Variants in ADSS2 observed in about 807,000 individuals in gnomAD.
The protein encoded by ADSS2 is adenylosuccinate synthetase isozyme 2.
ADSS2 carries 30 observed loss-of-function variants against 60.0 expected under a neutral mutation model. The ratio of observed to expected loss-of-function variants is 0.50; its 90% CI spans 0.37 to 0.68. The LOEUF (loss-of-function observed/expected upper bound fraction) is 0.68. ADSS2 is among the 30% of genes least tolerant of loss of function. ADSS2 has a pLI of 0.00. For synonymous variants in ADSS2, 187 were observed against 193.1 expected (o/e 0.97, Z 0.26); for missense variants, 373 against 554.8 (o/e 0.67, Z 3.29).
chr1:244,447,322 AAC>A (rs1665419878), intron 1 of ADSS2, among the ~76,000 whole-genome samples: 1 of 152,174 alleles, frequency 6.6e-6, no homozygotes, highest in Non-Finnish European at 1.5e-5. Context: ...TGCTCTAGGC[AAC>A]AGTTTTTCTT....
At chr1:244,436,649 T>A (rs1665108814) in intron 3 of ADSS2, among the ~76,000 whole-genome samples, 176 bp downstream of exon 3, 1 of 152,244 alleles carries the variant, frequency 6.6e-6, no homozygotes, top group Non-Finnish European at 1.5e-5. Flanking sequence ...AAGATGTTGG[T>A]CTTCTGTTTA....
chr1:244,437,750 GGCCA>G lies in ADSS2; in HGVS notation c.198_201del (p.Gly67IlefsTer19), dbSNP rs1359162078. ...TCCACAGAATCCACAACAACTGTATGGCCAGCATTATTTCCTCCCTAAAATGTAA... is the reference window on the plus strand; with the variant it reads ...TCCACAGAATCCACAACAACTGTATGGCATTATTTCCTCCCTAAAATGTAA... On this transcript the variant is annotated frameshift_variant, in exon 2 of 13. Coordinates refer to ENST00000366535, the MANE Select transcript of ADSS2 (RefSeq NM_001126.5). LOFTEE classifies it high-confidence loss of function. 6.2e-7 allele frequency: 1 copy of G among 1,605,444 alleles called. No homozygotes were observed. Among genetic ancestry groups the G allele is most frequent in the Non-Finnish European group, 8.5e-7 (1 of 1,172,422 alleles).
At chr1:244,444,126 G>A (rs1271985460) in intron 1 of ADSS2, among the ~76,000 whole-genome samples, 1 of 152,040 alleles carries the variant, frequency 6.6e-6, no homozygotes, top group East Asian at 1.9e-4. Flanking sequence ...TTATTAAAGT[G>A]AACAATATAT....
At chr1:244,444,290 C>T (rs913555167) in intron 1 of ADSS2, among the ~76,000 whole-genome samples, 162 of 151,174 alleles carry the variant, frequency 1.1e-3, no homozygotes, top group Non-Finnish European at 1.2e-3. Flanking sequence ...CCGAGGCGGG[C>T]GGATCACGAG....
rs1665081760 is a variant in ADSS2 at position 244,435,673 on chromosome 1, CT to C, written c.355+1151del. On this transcript the variant is annotated intron_variant, in intron 3 of 12. Transcript: ENST00000366535. ...TTCCTCCTCCATCCTCCTCTTCCTC[CT>C]CCATCTGTGGTTGTTTACCAACACC... Among the ~76,000 whole-genome samples, 3 of 151,786 alleles carry C rather than the reference CT, an allele frequency of 2.0e-5. No homozygotes were observed. In the South Asian group the frequency reaches 6.3e-4, roughly 32 times the overall value.
chr1:244,419,087 G>T, intron 8 of ADSS2, 173 bp from the exon 9 acceptor site: 1 of 646,870 alleles, frequency 1.5e-6, no homozygotes, highest in Non-Finnish European at 2.5e-6. Flanking sequence ...TAGCTGTAAT[G>T]ACATAAAAAC....
chr1:244,435,194 A>AAACAAAC (rs1665063954), intron 3 of ADSS2, among the ~76,000 whole-genome samples: 1 of 127,852 alleles, frequency 7.8e-6, no homozygotes, highest in African/African-American at 3.2e-5. Context: ...AAAAAAAAAA[A>AAACAAAC]AAACAAACCT....
intron 1 of ADSS2, among the ~76,000 whole-genome samples, chr1:244,449,770 C>A (rs1180630584): frequency 1.3e-5 from 2 of 152,116 alleles, no homozygotes; most frequent in Non-Finnish European, 2.9e-5. Context: ...CCCAACAAGG[C>A]CCCTCATTTG....
At chr1:244,448,199 G>A (rs934361874) in intron 1 of ADSS2, among the ~76,000 whole-genome samples, 5 of 152,032 alleles carry the variant, frequency 3.3e-5, no homozygotes, top group African/African-American at 1.2e-4. Flanking sequence ...ACAAGGTCAA[G>A]GCATTAAATA....
At chr1:244,436,127 C>G (rs1010344394) in intron 3 of ADSS2, among the ~76,000 whole-genome samples, 1 of 152,086 alleles carries the variant, frequency 6.6e-6, no homozygotes, top group African/African-American at 2.4e-5. Flanking sequence ...TGCATGAGGT[C>G]GGGTATGGAA....
At chr1:244,426,268 G>A (rs762612998) in intron 4 of ADSS2, among the ~76,000 whole-genome samples, 15 of 152,098 alleles carry the variant, frequency 9.9e-5, no homozygotes, top group Admixed American at 4.6e-4. Context: ...TGTTTTCTAT[G>A]CTCAAAGAAA....
intron 1 of ADSS2, among the ~76,000 whole-genome samples, chr1:244,444,294 T>C (rs796872265): frequency 3.3e-5 from 5 of 151,356 alleles, no homozygotes; most frequent in African/African-American, 1.2e-4. Context: ...GGCGGGCGGA[T>C]CACGAGGTCA....
chr1:244,414,963 T>C (rs1664495133), intron 11 of ADSS2, among the ~76,000 whole-genome samples: 1 of 152,242 alleles, frequency 6.6e-6, no homozygotes, highest in Non-Finnish European at 1.5e-5. Flanking sequence ...CTTTCATAAG[T>C]GCTACTGCTG....
chr1:244,444,477 T>C (rs1467138345), intron 1 of ADSS2, among the ~76,000 whole-genome samples: 1 of 115,552 alleles, frequency 8.7e-6, no homozygotes, highest in African/African-American at 3.4e-5. Flanking sequence ...ATCCCGCCAC[T>C]GCACTCCAGC....
chr1:244,433,711 A>C (rs1241330328), intron 3 of ADSS2, among the ~76,000 whole-genome samples: 5 of 152,026 alleles, frequency 3.3e-5, no homozygotes, highest in Non-Finnish European at 5.9e-5. Flanking sequence ...TACAAAAATT[A>C]GCTGGGTACG....
At chr1:244,430,820 G>C (rs1006161976) in intron 4 of ADSS2, among the ~76,000 whole-genome samples, 15 of 152,192 alleles carry the variant, frequency 9.9e-5, no homozygotes, top group African/African-American at 3.6e-4. Context: ...GAGACTGCCA[G>C]TAAGAAAGAA....
At chr1:244,427,848 A>G (rs770600071) in intron 4 of ADSS2, among the ~76,000 whole-genome samples, 1 of 152,204 alleles carries the variant, frequency 6.6e-6, no homozygotes, top group Non-Finnish European at 1.5e-5. Flanking sequence ...GTACCAGGGA[A>G]ACCTGTTGAT....
At chr1:244,410,187 G>A (rs1664379589) in intron 12 of ADSS2, among the ~76,000 whole-genome samples, 1 of 152,118 alleles carries the variant, frequency 6.6e-6, no homozygotes, top group Non-Finnish European at 1.5e-5. Flanking sequence ...AGAAAATGCT[G>A]ACCAAGAGCA....
At chr1:244,421,893 G>A (rs1226124922) in intron 7 of ADSS2, among the ~76,000 whole-genome samples, 2 of 152,158 alleles carry the variant, frequency 1.3e-5, no homozygotes, top group South Asian at 2.1e-4. Context: ...AGGATCCCTT[G>A]AGCCTAGAAA....
Sources: allele counts gnomAD v4.1 joint callset (sites outside exome capture counted in the v4.1 genomes callset), GRCh38; gene constraint gnomAD v4.1.1; transcripts MANE v1.5; gene names NCBI Gene and HGNC (gene_info 2026-07-23, HGNC 2026-07-21).